GSE1: variants seen among roughly 807,000 people sequenced by gnomAD.
GSE1 encodes Gse1 coiled-coil protein, also known as genetic suppressor element 1.
Under a neutral mutation model 112.6 loss-of-function variants are expected in GSE1, and 32 were observed. The ratio of observed to expected loss-of-function variants is 0.28; its 90% CI spans 0.21 to 0.38. The LOEUF is 0.38. GSE1 is among the 10% of genes least tolerant of loss of function. The probability of loss-of-function intolerance (pLI) is 1.00; values close to 1 mark genes in which losing one functional copy is unlikely to be tolerated. For missense variants in GSE1, 2,348 were observed against 1,699.2 expected (o/e 1.38, Z -6.71); for synonymous variants, 1,115 against 735.6 (o/e 1.52, Z -8.35).
intron 2 of GSE1, among the ~76,000 whole-genome samples, chr16:85,484,531 G>A (rs1378839196): frequency 6.6e-6 from 1 of 152,260 alleles, no homozygotes; most frequent in African/African-American, 2.4e-5. Flanking sequence ...CGAAGCCAGG[G>A]AGACGCCTCC....
At position 85,673,365 on chromosome 16, in the gene GSE1, T is replaced by TATTA. The variant is rs1055693748; in HGVS notation, c.*827_*830dup. ...AAAAAAACAAAGTTTTGTATGTTTT[T>TATTA]ATTACTTTAACTATTGTTATAAAAA... On this transcript the variant is annotated 3_prime_UTR_variant, in exon 16 of 16. Transcript: ENST00000253458. 1 of 152,452 alleles carries TATTA rather than the reference T, an allele frequency of 6.6e-6. No individual in the cohort carries two copies. The highest frequency in any genetic ancestry group is 2.4e-5 in the African/African-American group (1 of 41,374). 9.4% of individuals were successfully genotyped at this position (152,452 alleles called of 1,614,324 possible).
chr16:85,411,064 A>G, intron 2 of GSE1, among the ~76,000 whole-genome samples: 1 of 91,008 alleles, frequency 1.1e-5, no homozygotes, highest in East Asian at 3.0e-4. Flanking sequence ...GATAATCCTC[A>G]CCGTTGCACT....
chr16:85,419,041 C>T lies in GSE1; in HGVS notation c.2464+61398C>T, dbSNP rs1191297478. Among the ~76,000 whole-genome samples, 1 of 152,128 alleles carries T rather than the reference C, an allele frequency of 6.6e-6. No homozygotes were observed. The highest frequency in any genetic ancestry group is 1.5e-5 in the Non-Finnish European group (1 of 68,024). On this transcript the variant is annotated intron_variant, in intron 2 of 2. Coordinates refer to the GSE1 transcript ENST00000637419. This position sits in a 1 kb window ranked among gnomAD's most constrained non-coding sequence, Gnocchi z 6.5. The stretch of plus-strand genomic sequence containing the variant: ...CGTGAGACACTGTGCGGAGATCCAA[C>T]TGGCAGTTGGATATTTGAGTCTGGA...
At chr16:85,431,196 C>T (rs28714117) in intron 2 of GSE1, among the ~76,000 whole-genome samples, 2,462 of 152,240 alleles carry the variant, frequency 0.016, 58 homozygotes, top group African/African-American at 0.056. Flanking sequence ...CGGCAGGCAA[C>T]GTGAGGGGCG....
chr16:85,665,719 G>T (rs1189196132), intron 12 of GSE1, among the ~76,000 whole-genome samples: 2 of 152,232 alleles, frequency 1.3e-5, no homozygotes, highest in Admixed American at 1.3e-4. Flanking sequence ...TGCCTCCGTG[G>T]CTGGGGGACT....
chr16:85,507,444 A>G (rs1442674685), intron 2 of GSE1, among the ~76,000 whole-genome samples: 3 of 152,226 alleles, frequency 2.0e-5, no homozygotes, highest in Admixed American at 6.5e-5. Flanking sequence ...TTGGGACCGC[A>G]GGGTTACTCG....
At chr16:85,535,651 G>A (rs1276374856) in intron 2 of GSE1, among the ~76,000 whole-genome samples, 1 of 152,172 alleles carries the variant, frequency 6.6e-6, no homozygotes, top group Admixed American at 6.5e-5. Flanking sequence ...AGGAGAAGTG[G>A]GTGGGACCCC....
At chr16:85,654,527 C>T (rs1465790992) in intron 4 of GSE1, 77 bp downstream of exon 4, 2 of 1,268,656 alleles carry the variant, frequency 1.6e-6, no homozygotes, top group African/African-American at 1.5e-5. Flanking sequence ...CCCAGGCAGC[C>T]TGCGGTCTGC....
At chr16:85,215,984 A>C (rs964034144) in intron 1 of GSE1, among the ~76,000 whole-genome samples, 1 of 152,200 alleles carries the variant, frequency 6.6e-6, no homozygotes, top group Non-Finnish European at 1.5e-5. Flanking sequence ...GGTGGGCCAG[A>C]GACATACTTG....
intron 1 of GSE1, among the ~76,000 whole-genome samples, chr16:85,213,715 G>T (rs2075264620): frequency 6.6e-6 from 1 of 152,208 alleles, no homozygotes; most frequent in East Asian, 1.9e-4. Context: ...CGCATCAGGG[G>T]TGCCCTTGCA....
At chr16:85,378,878 C>T (rs1160541263) in intron 2 of GSE1, among the ~76,000 whole-genome samples, 1 of 152,216 alleles carries the variant, frequency 6.6e-6, no homozygotes, top group Non-Finnish European at 1.5e-5. Context: ...TTGAGAACTT[C>T]CCTGAACCAG....
At chr16:85,427,537 G>T (rs2049021338) in intron 2 of GSE1, among the ~76,000 whole-genome samples, 1 of 152,188 alleles carries the variant, frequency 6.6e-6, no homozygotes, top group Non-Finnish European at 1.5e-5. Flanking sequence ...AGCTACTCGG[G>T]AGCCTGAGGC....
chr16:85,586,156 T>C (rs905850129), intron 1 of GSE1, among the ~76,000 whole-genome samples: 1 of 152,200 alleles, frequency 6.6e-6, no homozygotes, highest in African/African-American at 2.4e-5. Flanking sequence ...AGATTTCCCC[T>C]TGTTAGAAGG....
chr16:85,251,273 TGCCCTCAAGGTGACAAA>T (rs201865509), intron 1 of GSE1, among the ~76,000 whole-genome samples: 2,740 of 152,336 alleles, frequency 0.018, 34 homozygotes, highest in Non-Finnish European at 0.022. Context: ...CTCCCACGGA[TGCCCTCAAGGTGACAAA>T]GCCTGTCCCT....
At chr16:85,273,725 T>G (rs1301533833) in intron 1 of GSE1, among the ~76,000 whole-genome samples, 1 of 151,988 alleles carries the variant, frequency 6.6e-6, no homozygotes, top group African/African-American at 2.4e-5. Flanking sequence ...GTTTAGCCCT[T>G]GTCGCCCAGT....
intron 3 of GSE1, among the ~76,000 whole-genome samples, chr16:85,652,705 C>T (rs755753278): frequency 1.3e-5 from 2 of 152,150 alleles, no homozygotes; most frequent in African/African-American, 4.8e-5. Context: ...GATGGATGGG[C>T]CCAGGAAGAG....
At chr16:85,258,885 T>A (rs1375118145) in intron 1 of GSE1, among the ~76,000 whole-genome samples, 10 of 151,836 alleles carry the variant, frequency 6.6e-5, no homozygotes, top group Admixed American at 6.6e-4. Flanking sequence ...TCTGCCAACC[T>A]CCCCCCGCCA....
intron 14 of GSE1, among the ~76,000 whole-genome samples, chr16:85,668,820 G>T (rs1209031836): frequency 6.6e-6 from 1 of 152,214 alleles, no homozygotes; most frequent in African/African-American, 2.4e-5. Context: ...CTTGCCTAGT[G>T]ACAGACTCCC....
intron 1 of GSE1, among the ~76,000 whole-genome samples, chr16:85,191,837 C>T (rs773755833): frequency 6.6e-6 from 1 of 152,116 alleles, no homozygotes; most frequent in Non-Finnish European, 1.5e-5. Flanking sequence ...AGAAGATTTC[C>T]CTGACACCAT....
Sources: allele counts gnomAD v4.1 joint callset (sites outside exome capture counted in the v4.1 genomes callset), GRCh38; gene constraint gnomAD v4.1.1; non-coding constraint Gnocchi (gnomAD v3.1); transcripts MANE v1.5; gene names NCBI Gene and HGNC (gene_info 2026-07-23, HGNC 2026-07-21).